Variants in PGA5 observed in about 807,000 individuals in gnomAD.
PGA5 encodes the protein pepsin A-5.
Under a neutral mutation model 15.9 loss-of-function variants are expected in PGA5, and 19 were observed. The observed-to-expected ratio is 1.19, with a 90% CI of 0.83 to 1.75. PGA5 has a LOEUF of 1.75. Ranked by LOEUF, PGA5 falls within the 40% of genes most tolerant of loss-of-function variation. The probability of loss-of-function intolerance (pLI) is 0.00; values close to 1 mark genes in which losing one functional copy is unlikely to be tolerated. For synonymous variants in PGA5, 92 were observed against 95.8 expected (o/e 0.96, Z 0.23); for missense variants, 224 against 246.4 (o/e 0.91, Z 0.61).
rs115305450 is a variant in PGA5 at position 61,250,044 on chromosome 11, A to G, written c.1017+30A>G. The G allele has an allele frequency of 0.023, 36,736 of 1,584,814 alleles. 3,732 individuals carry two copies. The African/African-American group carries it at 0.27, about 12-fold the overall frequency. ...GGAGGCTCTGGACCATCCACTAGAG[A>G]GGTTCACACAGAATGTGGACACAGA... On this transcript the variant is annotated intron_variant, in intron 8 of 8. Coordinates refer to ENST00000312403, the MANE Select transcript of PGA5 (RefSeq NM_014224.5).
intron 7 of PGA5, 22 bp downstream of exon 7, chr11:61,249,835 C>T (rs1854114852): frequency 6.2e-7 from 1 of 1,613,650 alleles, no homozygotes. Flanking sequence ...CCCGACTGCC[C>T]TGTTCTACAC....
At chr11:61,246,554 G>A (rs555061996) in intron 5 of PGA5, among the ~76,000 whole-genome samples, 1 of 151,866 alleles carries the variant, frequency 6.6e-6, no homozygotes, top group South Asian at 2.1e-4. Context: ...CTGAAGTCAG[G>A]AGTTCAAGAC....
chr11:61,246,744 A>G (rs1255133789), intron 5 of PGA5, among the ~76,000 whole-genome samples: 1 of 145,798 alleles, frequency 6.9e-6, no homozygotes, highest in Non-Finnish European at 1.5e-5. Context: ...AGCCTGGGCA[A>G]CAGAGCAAGA....
chr11:61,246,510 C>T (rs1026916877), intron 5 of PGA5, among the ~76,000 whole-genome samples: 5 of 151,898 alleles, frequency 3.3e-5, no homozygotes, highest in African/African-American at 1.2e-4. Context: ...AATCCCAGCA[C>T]TTTGGGATTA....
chr11:61,247,858 T>A (rs1018743291), intron 5 of PGA5, among the ~76,000 whole-genome samples: 6 of 151,924 alleles, frequency 3.9e-5, no homozygotes, highest in Non-Finnish European at 5.9e-5. Flanking sequence ...CCACCATAAT[T>A]CCTTGCCGCC....
chr11:61,248,183 C>A, intron 5 of PGA5: 1 of 921,454 alleles, frequency 1.1e-6, no homozygotes, highest in Non-Finnish European at 1.8e-6. Context: ...CGCTGTGTGA[C>A]CTTGGGCAGG....
chr11:61,247,281 C>CTTTTT (rs1173101519), intron 5 of PGA5, among the ~76,000 whole-genome samples: 1 of 139,240 alleles, frequency 7.2e-6, no homozygotes, highest in African/African-American at 2.7e-5. Context: ...TGATTAATTT[C>CTTTTT]TTTTTTTTTT....
chr11:61,246,488 T>G (rs1469010860), intron 5 of PGA5, among the ~76,000 whole-genome samples: 19 of 151,902 alleles, frequency 1.3e-4, no homozygotes, highest in Middle Eastern at 3.4e-3. Context: ...AGGCATGGTG[T>G]CTCATGCCTG....
rs1854139573 is a variant in PGA5 at position 61,251,369 on chromosome 11, C to T, written c.*88C>T. 3.8e-6 allele frequency: 6 copies of T among 1,597,092 alleles called. No homozygotes were observed. Among genetic ancestry groups the T allele is most frequent in the Non-Finnish European group, 5.1e-6 (6 of 1,171,274 alleles). ...GTATCTAATTCTCCTGACTGTTCTT[C>T]CCAGGGGAGTGTGAAGGTCTTGGCC... On this transcript the variant is annotated 3_prime_UTR_variant, in exon 9 of 9. Coordinates refer to ENST00000312403, the MANE Select transcript of PGA5 (RefSeq NM_014224.5).
intron 8 of PGA5, 92 bp downstream of exon 8, chr11:61,250,106 C>A: frequency 6.6e-7 from 1 of 1,511,632 alleles, no homozygotes; most frequent in East Asian, 2.4e-5. Flanking sequence ...CTTCCACGAG[C>A]TGAAGCCAGC....
chr11:61,250,523 G>A (rs1478186889), intron 8 of PGA5, among the ~76,000 whole-genome samples: 2 of 151,500 alleles, frequency 1.3e-5, no homozygotes, highest in Admixed American at 6.6e-5. Flanking sequence ...TTAGCTATAC[G>A]AGCCACAAGA....
chr11:61,248,680 C>A, intron 6 of PGA5, 145 bp downstream of exon 6: 2 of 1,547,294 alleles, frequency 1.3e-6, no homozygotes, highest in Non-Finnish European at 1.8e-6. Context: ...GGAAGTTGGC[C>A]AAGCCAAAGA....
chr11:61,247,278 TTTC>T (rs1233582620), intron 5 of PGA5, among the ~76,000 whole-genome samples: 1 of 148,488 alleles, frequency 6.7e-6, no homozygotes, highest in African/African-American at 2.6e-5. Flanking sequence ...GGATGATTAA[TTTC>T]TTTTTTTTTT....
chr11:61,250,710 G>T (rs1415767236), intron 8 of PGA5: 1 of 466,636 alleles, frequency 2.1e-6, no homozygotes, highest in Non-Finnish European at 4.3e-6. Flanking sequence ...CTCCCCAGGT[G>T]ATGTGCAGAC....
intron 6 of PGA5, 54 bp downstream of exon 6, chr11:61,248,589 C>A (rs1301296829): frequency 1.9e-6 from 3 of 1,602,888 alleles, no homozygotes; most frequent in Non-Finnish European, 8.5e-7. Flanking sequence ...ATCCCATTTC[C>A]TTATGGATTC....
At chr11:61,246,282 G>A (rs1210489330) in intron 5 of PGA5, 137 bp downstream of exon 5, 3 of 233,430 alleles carry the variant, frequency 1.3e-5, no homozygotes, top group Non-Finnish European at 2.6e-5. Context: ...CAATGTCTGA[G>A]GCTGGAGAAG....
chr11:61,248,945 T>G (rs998000729), intron 6 of PGA5, among the ~76,000 whole-genome samples: 3 of 152,082 alleles, frequency 2.0e-5, no homozygotes, highest in Non-Finnish European at 4.4e-5. Flanking sequence ...GCTAAGAAAT[T>G]GTGTGAAGTC....
At chr11:61,248,019 C>T (rs1163325829) in intron 5 of PGA5, 2 of 597,704 alleles carry the variant, frequency 3.3e-6, no homozygotes, top group African/African-American at 1.9e-5. Context: ...CAGCTAAGAA[C>T]CAGTGACCTC....
chr11:61,249,920 T>C lies in PGA5; in HGVS notation c.923T>C (p.Val308Ala), dbSNP rs1380892355. The change falls in exon 8 of 9, where the codon GTG becomes GCG. Residue 308 changes from valine (V) to alanine (A), a missense_variant. Physicochemically the swap from Val to Ala is moderately conservative, Grantham distance 64 (BLOSUM62 0). Coordinates refer to ENST00000312403, the MANE Select transcript of PGA5 (RefSeq NM_014224.5). Reference sequence around the variant, plus strand: ...TCTCACCCTCACTCTTTCCAGATGGTGGTCAGCTGCTCAGCCATCAGCAGC... The same window carrying C: ...TCTCACCCTCACTCTTTCCAGATGGCGGTCAGCTGCTCAGCCATCAGCAGC... ...GASENSDGDMVVSCSAISSLP... is the reference protein window; with the variant it reads ...GASENSDGDMAVSCSAISSLP... 2.5e-6 allele frequency: 4 copies of C among 1,613,552 alleles called. No homozygotes were observed. Among genetic ancestry groups the C allele is most frequent in the Non-Finnish European group, 3.4e-6 (4 of 1,179,838 alleles).
Sources: allele counts gnomAD v4.1 joint callset (sites outside exome capture counted in the v4.1 genomes callset), GRCh38; gene constraint gnomAD v4.1.1; transcripts MANE v1.5; gene names NCBI Gene and HGNC (gene_info 2026-07-23, HGNC 2026-07-21).